Variants in TRMT13 observed in about 807,000 individuals in gnomAD.
TRMT13 encodes the protein tRNA:m(4)X modification enzyme TRM13 homolog.
In TRMT13, 45 loss-of-function variants were observed where a neutral mutation model predicts 55.9. That is an observed-to-expected ratio of 0.80 (90% CI 0.63 to 1.03). The LOEUF is 1.03. TRMT13 is among the 50% of genes least tolerant of loss of function. The pLI is 0.00. For synonymous variants in TRMT13, 183 were observed against 196.3 expected (o/e 0.93, Z 0.57); for missense variants, 513 against 563.9 (o/e 0.91, Z 0.91).
chr1:100,148,087 CCACA>C lies in TRMT13; in HGVS notation c.1012_1015del (p.His338GlyfsTer16). The C allele has an allele frequency of 1.2e-6, 2 of 1,614,180 alleles. No homozygotes were observed. The highest frequency in any genetic ancestry group is 1.7e-6 in the Non-Finnish European group (2 of 1,180,036). On this transcript the variant is annotated frameshift_variant, in exon 10 of 11. Coordinates refer to ENST00000370141, the MANE Select transcript of TRMT13 (RefSeq NM_019083.3). LOFTEE classifies it high-confidence loss of function. Reference sequence around the variant, plus strand: ...GCATTGTTATTGCACTCTGTTGTCACCACAGGTGTGATTGGAGACATTATGTGGG... The same window carrying C: ...GCATTGTTATTGCACTCTGTTGTCACGGTGTGATTGGAGACATTATGTGGG...
At chr1:100,138,751 T>G (rs1557907657) in intron 3 of TRMT13, among the ~76,000 whole-genome samples, 2 of 152,264 alleles carry the variant, frequency 1.3e-5, no homozygotes, top group Admixed American at 6.5e-5. Flanking sequence ...TAGCCACATA[T>G]GACTATTTAA....
At position 100,140,848 on chromosome 1, in the gene TRMT13, G is replaced by T. The variant is rs749848534; in HGVS notation, c.502-4G>T. ...TTTATAAAATAATCTTGTGAAGTTT[G>T]CAGGCTTCTATTTTAGGTAACATTG... is the stretch of plus-strand genomic sequence containing the variant. On this transcript the variant is annotated splice_region_variant and splice_polypyrimidine_tract_variant and intron_variant, in intron 6 of 10. Transcript: ENST00000370141. 6.2e-7 allele frequency: 1 copy of T among 1,608,672 alleles called. No homozygotes were observed. Among genetic ancestry groups the T allele is most frequent in the Admixed American group, 1.7e-5 (1 of 58,854 alleles).
At position 100,133,233 on chromosome 1, in the gene TRMT13, A is replaced by G. The variant is rs1320900969; in HGVS notation, c.65A>G (p.Tyr22Cys). Residue 22 changes from tyrosine to cysteine, a missense_variant, in exon 1 of 11, where the codon TAT becomes TGT. By Grantham distance (194) the Tyr-to-Cys change is radical. Transcript: ENST00000370141. The stretch of plus-strand genomic sequence containing the variant: ...CCAGCTGAGGGTAGATGCGGTTACT[A>G]TGTGGAAAAGAAGAAACGGTTCTGC... ...GFPAEGRCGY[Y>C]VEKKKRFCRM... 1 of 1,614,078 alleles carries G rather than the reference A, an allele frequency of 6.2e-7. No individual in the cohort carries two copies. The highest frequency in any genetic ancestry group is 2.2e-5 in the East Asian group (1 of 44,870).
chr1:100,134,184 A>G (rs574950503), intron 1 of TRMT13, among the ~76,000 whole-genome samples: 16 of 152,352 alleles, frequency 1.1e-4, no homozygotes, highest in South Asian at 2.1e-4. Flanking sequence ...TTGAGAACAA[A>G]GCATACAATT....
Position 100,140,944 on chromosome 1 carries a change from T to C in TRMT13, c.594T>C (p.His198=), listed in dbSNP as rs758244108. ...GAGCGGGAAAGGGAAAATTATCTCA[T>C]TGGGTTGATATTGCCTTAAAAGATG... ...EFGAGKGKLS[H]WVDIALKDAE... The change falls in exon 7 of 11, where the codon CAT becomes CAC. Residue 198 remains histidine, a synonymous_variant. Transcript: ENST00000370141. The C allele has an allele frequency of 1.2e-6, 2 of 1,613,708 alleles. No homozygotes were observed. The highest frequency in any genetic ancestry group is 3.3e-5 in the Admixed American group (2 of 59,984).
chr1:100,137,191 A>G, intron 3 of TRMT13, 106 bp downstream of exon 3: 1 of 963,186 alleles, frequency 1.0e-6, no homozygotes, highest in Admixed American at 2.5e-5. Context: ...ACCCAAGCTC[A>G]GGAAATATAA....
intron 3 of TRMT13, among the ~76,000 whole-genome samples, chr1:100,138,824 G>A (rs1157869788): frequency 6.6e-6 from 1 of 152,186 alleles, no homozygotes; most frequent in Non-Finnish European, 1.5e-5. Flanking sequence ...TCATATTTCA[G>A]TGGCTGCCAT....
chr1:100,138,952 ATG>A (rs2101724622), intron 3 of TRMT13, among the ~76,000 whole-genome samples: 1 of 152,188 alleles, frequency 6.6e-6, no homozygotes, highest in East Asian at 1.9e-4. Flanking sequence ...AGATTTCATT[ATG>A]TGTGTTTGTT....
At chr1:100,147,153 G>T (rs1657375027) in intron 9 of TRMT13, among the ~76,000 whole-genome samples, 2 of 152,150 alleles carry the variant, frequency 1.3e-5, no homozygotes, top group South Asian at 4.1e-4. Flanking sequence ...AACAGTGTAG[G>T]AGTTTTCGAT....
At chr1:100,140,593 G>A in intron 6 of TRMT13, 79 bp downstream of exon 6, 2 of 1,145,898 alleles carry the variant, frequency 1.7e-6, no homozygotes, top group Non-Finnish European at 2.6e-6. Flanking sequence ...TTATTAATAA[G>A]ATTTTATTTT....
intron 7 of TRMT13, 151 bp from the exon 8 acceptor site, chr1:100,142,986 A>C (rs1011597407): frequency 1.7e-6 from 1 of 572,250 alleles, no homozygotes; most frequent in African/African-American, 1.9e-5. Flanking sequence ...AAAGTGTGAT[A>C]TTTTGAAGTT....
At chr1:100,144,519 C>G (rs1336870251) in intron 9 of TRMT13, 1 of 153,788 alleles carries the variant, frequency 6.5e-6, no homozygotes, top group Non-Finnish European at 1.4e-5. Context: ...TACTAAAAGA[C>G]TATTGTGTTT....
At position 100,148,427 on chromosome 1, in the gene TRMT13, TAATCTAATTTTAGAATAAGCTAAAATATA is replaced by T. The variant is rs1417991443; in HGVS notation, c.1250+102_1250+130del. On this transcript the variant is annotated intron_variant, in intron 10 of 10. Coordinates refer to ENST00000370141, the MANE Select transcript of TRMT13 (RefSeq NM_019083.3). ...CAACAATTCATGAAAATGTATTTTA[TAATCTAATTTTAGAATAAGCTAAAATATA>T]CACATCTTTTATTGTGGTCATAAAT... is the stretch of plus-strand genomic sequence containing the variant. 6.2e-6 allele frequency: 8 copies of T among 1,289,136 alleles called. No homozygotes were observed. In the East Asian group the frequency reaches 1.9e-4, roughly 31 times the overall value. 79.9% of individuals were successfully genotyped at this position (1,289,136 alleles called of 1,614,324 possible). A position where few individuals can be genotyped will look rare whatever the true frequency, so the allele number is the denominator to read the frequency against.
intron 8 of TRMT13, among the ~76,000 whole-genome samples, chr1:100,143,745 T>C (rs1331641465): frequency 6.6e-6 from 1 of 152,146 alleles, no homozygotes; most frequent in Non-Finnish European, 1.5e-5. Flanking sequence ...ACCTTTTCTA[T>C]TTTTCAGATT....
intron 6 of TRMT13, 133 bp downstream of exon 6, chr1:100,140,647 T>C (rs1039219659): frequency 2.3e-6 from 2 of 856,512 alleles, no homozygotes; most frequent in Non-Finnish European, 3.6e-6. Context: ...CAAAAATATA[T>C]AGAAACATAT....
chr1:100,148,893 A>G lies in TRMT13; in HGVS notation c.*73A>G. The G allele has an allele frequency of 8.9e-7, 1 of 1,126,186 alleles. No homozygotes were observed. The highest frequency in any genetic ancestry group is 1.2e-6 in the Non-Finnish European group (1 of 858,626). 69.8% of individuals were successfully genotyped at this position (1,126,186 alleles called of 1,614,324 possible). On this transcript the variant is annotated 3_prime_UTR_variant, in exon 11 of 11. Transcript: ENST00000370141. ...TTAATTATATTTTTATATCAAAAAA[A>G]TATATACTTTAAATAGCAAATAATA...
chr1:100,136,938 G>T lies in TRMT13; in HGVS notation c.194+10G>T. ...CTTTAGATCCAAAACAGTAAGTGTG[G>T]ATCAGATACGGGTTTTTTTTTGTGC... On this transcript the variant is annotated intron_variant, in intron 2 of 10. Transcript: ENST00000370141. 6.2e-7 allele frequency: 1 copy of T among 1,603,660 alleles called. No homozygotes were observed. The highest frequency in any genetic ancestry group is 1.1e-5 in the South Asian group (1 of 87,984).
chr1:100,146,420 A>G (rs931405551), intron 9 of TRMT13, among the ~76,000 whole-genome samples: 2 of 152,170 alleles, frequency 1.3e-5, no homozygotes, highest in African/African-American at 2.4e-5. Flanking sequence ...CCCTTTCTGC[A>G]TATGTGGCTT....
intron 6 of TRMT13, 90 bp downstream of exon 6, chr1:100,140,604 GT>G: frequency 9.1e-7 from 1 of 1,094,208 alleles, no homozygotes; most frequent in Non-Finnish European, 1.3e-6. Context: ...ATTTTATTTT[GT>G]TTACCTTTGA....
Sources: gnomAD v4.1 joint callset for allele counts (sites outside exome capture counted in the v4.1 genomes callset) on GRCh38, gnomAD v4.1.1 for gene constraint, MANE v1.5 for transcripts, NCBI Gene and HGNC (gene_info 2026-07-23, HGNC 2026-07-21) for gene names.